PHF2: variants seen among roughly 807,000 people sequenced by gnomAD.
PHF2 encodes the protein lysine-specific demethylase PHF2.
PHF2 carries 27 observed loss-of-function variants against 120.5 expected under a neutral mutation model. That is an observed-to-expected ratio of 0.22 (90% CI 0.17 to 0.31). PHF2 has a LOEUF of 0.31. Among genes scored for constraint, PHF2 ranks in the 10% least tolerant of loss-of-function variants. The probability of loss-of-function intolerance (pLI) is 1.00; values close to 1 mark genes in which losing one functional copy is unlikely to be tolerated. For missense variants in PHF2, 1,024 were observed against 1,434.8 expected (o/e 0.71, Z 4.63); for synonymous variants, 568 against 592.5 (o/e 0.96, Z 0.60).
At chr9:93,642,969 T>C (rs73522278) in intron 3 of PHF2, among the ~76,000 whole-genome samples, 53 of 152,382 alleles carry the variant, frequency 3.5e-4, no homozygotes, top group African/African-American at 1.2e-3. Context: ...AATACATCCC[T>C]GTGCCTTGCC....
chr9:93,593,274 G>T (rs965355402), intron 1 of PHF2, among the ~76,000 whole-genome samples: 3 of 152,084 alleles, frequency 2.0e-5, no homozygotes, highest in Non-Finnish European at 2.9e-5. Flanking sequence ...CACCTGCCAG[G>T]TCATTAATTA....
intron 1 of PHF2, among the ~76,000 whole-genome samples, chr9:93,592,961 C>T (rs1328665034): frequency 6.6e-6 from 1 of 152,042 alleles, no homozygotes; most frequent in Non-Finnish European, 1.5e-5. Context: ...CCAGGCCCTG[C>T]AGCTGTACCC....
intron 1 of PHF2, among the ~76,000 whole-genome samples, chr9:93,619,309 C>T (rs947016270): frequency 1.3e-5 from 2 of 152,210 alleles, no homozygotes; most frequent in African/African-American, 2.4e-5. Context: ...TGGAGCCCAT[C>T]TCTTAGGGAC....
intron 1 of PHF2, among the ~76,000 whole-genome samples, chr9:93,590,579 A>G (rs1825198030): frequency 6.6e-6 from 1 of 152,190 alleles, no homozygotes; most frequent in Non-Finnish European, 1.5e-5. Context: ...TTCCCCATAA[A>G]CTTTTAATTT....
chr9:93,608,008 AG>A (rs1825572708), intron 1 of PHF2, among the ~76,000 whole-genome samples: 1 of 134,890 alleles, frequency 7.4e-6, no homozygotes, highest in Non-Finnish European at 1.7e-5. Flanking sequence ...AGAGAGAGAG[AG>A]AAGGAAAGGA....
intron 2 of PHF2, 120 bp from the exon 3 acceptor site, chr9:93,636,291 T>C (rs552316232): frequency 3.0e-4 from 214 of 716,268 alleles, no homozygotes; most frequent in Non-Finnish European, 3.6e-4. Flanking sequence ...GAGGTGAGCA[T>C]GAGCCCAGCA....
chr9:93,678,468 C>T lies in PHF2; in HGVS notation c.*792C>T, dbSNP rs1375564640. The stretch of plus-strand genomic sequence containing the variant: ...GGCCACACTCTGGAGAAGCACTTCT[C>T]AGCCAAGGCACCCCTGCCCTGGGAC... On this transcript the variant is annotated 3_prime_UTR_variant, in exon 22 of 22. Coordinates refer to ENST00000359246, the MANE Select transcript of PHF2 (RefSeq NM_005392.4). 6.6e-6 allele frequency: 1 copy of T among 152,622 alleles called. No individual in the cohort carries two copies. The highest frequency in any genetic ancestry group is 2.4e-5 in the African/African-American group (1 of 41,434). The allele number at this position is 152,622 out of a possible 1,614,324, so 9.5% of individuals were successfully genotyped here.
chr9:93,654,665 A>G, intron 7 of PHF2, 90 bp downstream of exon 7: 3 of 1,263,180 alleles, frequency 2.4e-6, no homozygotes, highest in Non-Finnish European at 2.3e-6. Context: ...TGTCCCCACC[A>G]TGGGGTCTCT....
intron 1 of PHF2, among the ~76,000 whole-genome samples, chr9:93,590,249 A>G (rs1825189902): frequency 6.6e-6 from 1 of 152,210 alleles, no homozygotes; most frequent in Admixed American, 6.5e-5. Flanking sequence ...CAGTTATCTA[A>G]TTATTGAGTT....
Position 93,665,791 on chromosome 9 carries a change from G to A in PHF2, c.2043G>A (p.Ser681=), listed in dbSNP as rs549516534. The A allele has an allele frequency of 2.1e-5, 34 of 1,614,080 alleles. No homozygotes were observed. The highest frequency in any genetic ancestry group is 4.0e-5 in the African/African-American group (3 of 75,044). The change falls in exon 15 of 22, where the codon TCG becomes TCA. Residue 681 remains serine, a synonymous_variant. Coordinates refer to ENST00000359246, the MANE Select transcript of PHF2 (RefSeq NM_005392.4). ...TGCGGGATGAGTATGAGTACGTGTC[G>A]GATGACGGTGAGCTCAAGATCGACG... The part of the protein sequence containing the change: ...KPVRDEYEYV[S]DDGELKIDEF...
chr9:93,654,559 C>A lies in PHF2; in HGVS notation c.936C>A (p.Thr312=), dbSNP rs1444477375. Reference sequence around the variant, plus strand: ...AGTGCATCGTCAAGCAGGGCCAGACCCTCTTCATCCCCTCAGGTGAGTGCG... The same window carrying A: ...AGTGCATCGTCAAGCAGGGCCAGACACTCTTCATCCCCTCAGGTGAGTGCG... The part of the protein sequence containing the change: ...CYKCIVKQGQ[T]LFIPSGWIYA... Residue 312 remains threonine, a synonymous_variant, in exon 7 of 22, where the codon ACC becomes ACA. Coordinates refer to ENST00000359246, the MANE Select transcript of PHF2 (RefSeq NM_005392.4). The A allele has an allele frequency of 6.2e-7, 1 of 1,613,756 alleles. No homozygotes were observed. The highest frequency in any genetic ancestry group is 1.7e-5 in the Admixed American group (1 of 60,030).
chr9:93,653,381 C>T lies in PHF2; in HGVS notation c.789+16C>T, dbSNP rs758061551. On this transcript the variant is annotated intron_variant, in intron 6 of 21. Coordinates refer to ENST00000359246, the MANE Select transcript of PHF2 (RefSeq NM_005392.4). ...CGTGCTCAAGGTGAGCCACGCCCCTCGGGGCACCTCTGCCTTGCCATGGCC... is the reference window on the plus strand; with the variant it reads ...CGTGCTCAAGGTGAGCCACGCCCCTTGGGGCACCTCTGCCTTGCCATGGCC... 87 of 1,611,038 alleles carry T rather than the reference C, an allele frequency of 5.4e-5. No homozygotes were observed. The Admixed American group carries it at 6.8e-4, about 13-fold the overall frequency.
At position 93,656,055 on chromosome 9, in the gene PHF2, C is replaced by G; in HGVS notation, c.1040+34C>G. ...TGCCGCGCTGTCTGCCCTCGGGCTC[C>G]GCAGAGCAGCGTCCTCCCTCTAGCT... On this transcript the variant is annotated intron_variant, in intron 8 of 21. Transcript: ENST00000359246. The surrounding 1 kb of genome is among the most constrained non-coding windows in gnomAD (Gnocchi z 4.1). The G allele has an allele frequency of 2.6e-6, 4 of 1,555,218 alleles. No homozygotes were observed. The highest frequency in any genetic ancestry group is 3.5e-6 in the Non-Finnish European group (4 of 1,136,390).
chr9:93,668,677 C>T (rs372915748), intron 17 of PHF2, among the ~76,000 whole-genome samples: 5 of 152,242 alleles, frequency 3.3e-5, no homozygotes, highest in African/African-American at 7.2e-5. Context: ...GTCCTGGGCT[C>T]CCCGCTGTGA....
intron 1 of PHF2, among the ~76,000 whole-genome samples, chr9:93,614,330 T>A (rs2131630889): frequency 6.6e-6 from 1 of 152,340 alleles, no homozygotes; most frequent in Admixed American, 6.5e-5. Flanking sequence ...GAGGCTCCCC[T>A]CCTGCCTACT....
intron 1 of PHF2, among the ~76,000 whole-genome samples, chr9:93,610,041 G>A (rs1302559179): frequency 6.7e-6 from 1 of 148,922 alleles, no homozygotes; most frequent in Non-Finnish European, 1.5e-5. Context: ...ATTTTTTTTT[G>A]CGGTTTGAAT....
At chr9:93,597,366 G>T (rs1825354589) in intron 1 of PHF2, among the ~76,000 whole-genome samples, 1 of 152,206 alleles carries the variant, frequency 6.6e-6, no homozygotes, top group African/African-American at 2.4e-5. Flanking sequence ...GCTCTGAGAA[G>T]TGGGAGGCTG....
chr9:93,591,542 C>T (rs1474038749), intron 1 of PHF2, among the ~76,000 whole-genome samples: 3 of 152,180 alleles, frequency 2.0e-5, no homozygotes, highest in East Asian at 3.9e-4. Flanking sequence ...GAGTTAGGGG[C>T]AGGGTGGGGA....
rs572720731 is a variant in PHF2, at chr9:93,658,187, A to G, written c.1190A>G (p.Gln397Arg). The G allele has an allele frequency of 1.2e-6, 2 of 1,613,268 alleles. No individual in the cohort carries two copies. The highest frequency in any genetic ancestry group is 2.7e-5 in the African/African-American group (2 of 75,024). The change falls in exon 10 of 22, where the codon CAA (glutamine) becomes CGA (arginine). Residue 397 changes from glutamine to arginine, a missense_variant. Around this residue, in one of 2 missense-constraint regions of PHF2, gnomAD observed 347 missense variants for 577.4 expected, o/e 0.60. Transcript: ENST00000359246. ...SGKQLPPHLVQGAKILNGAFR... is the reference protein window; with the variant it reads ...SGKQLPPHLVRGAKILNGAFR... ...AAGCAGCTGCCCCCTCATCTAGTCCAAGGAGCTAAAATTCTCAATGGTGCT... is the reference window on the plus strand; with the variant it reads ...AAGCAGCTGCCCCCTCATCTAGTCCGAGGAGCTAAAATTCTCAATGGTGCT...
Sources: gnomAD v4.1 joint callset for allele counts (sites outside exome capture counted in the v4.1 genomes callset) on GRCh38, gnomAD v4.1.1 for gene constraint, gnomAD v4.1.1 regional missense constraint, Gnocchi (gnomAD v3.1) non-coding constraint, MANE v1.5 for transcripts, NCBI Gene and HGNC (gene_info 2026-07-23, HGNC 2026-07-21) for gene names.